Variants in BEST3 observed in about 807,000 individuals in gnomAD.
BEST3 encodes the protein bestrophin-3.
A neutral mutation model predicts 47.1 loss-of-function variants in BEST3; 50 were observed. The ratio of observed to expected loss-of-function variants is 1.06; its 90% CI spans 0.85 to 1.34. BEST3 has a LOEUF of 1.34. Ranked by LOEUF, BEST3 falls within the 40% of genes most tolerant of loss-of-function variation. BEST3 has a pLI of 0.00. For synonymous variants in BEST3, 282 were observed against 298.8 expected (o/e 0.94, Z 0.58); for missense variants, 765 against 817.0 (o/e 0.94, Z 0.78).
chr12:69,658,379 A>G (rs1883643930), intron 9 of BEST3, among the ~76,000 whole-genome samples: 1 of 152,146 alleles, frequency 6.6e-6, no homozygotes, highest in African/African-American at 2.4e-5. Flanking sequence ...TAGATGGGGG[A>G]AAATAGACAA....
rs1886185979 is a variant in BEST3 at position 69,697,708 on chromosome 12, G to T, written c.91C>A (p.Leu31Ile). Residue 31 changes from leucine to isoleucine, a missense_variant, in exon 2 of 10, where the codon CTA becomes ATA. Leu to Ile is a conservative substitution (Grantham distance 5, BLOSUM62 2). Transcript: ENST00000330891. The stretch of plus-strand genomic sequence containing the variant: ...AAAACAATAAATTCCCTGTACAGTA[G>T]TTTGTAGATGCTGCCTCTCCACTTG... The part of the protein sequence containing the change: ...LLKWRGSIYK[L>I]LYREFIVFAV... The T allele has an allele frequency of 1.2e-6, 2 of 1,613,072 alleles. No individual in the cohort carries two copies. Among genetic ancestry groups the T allele is most frequent in the African/African-American group, 1.3e-5 (1 of 74,900 alleles).
chr12:69,676,871 G>A (rs1201687967), intron 7 of BEST3, 45 bp downstream of exon 7: 3 of 1,584,804 alleles, frequency 1.9e-6, no homozygotes, highest in Non-Finnish European at 1.7e-6. Flanking sequence ...TGGAGAGTCT[G>A]GAACATAACA....
chr12:69,649,909 A>C (rs1256639468), downstream of BEST3, among the ~76,000 whole-genome samples: 3 of 152,256 alleles, frequency 2.0e-5, no homozygotes, highest in Non-Finnish European at 4.4e-5. Flanking sequence ...AAGATACAAC[A>C]TTCCCTTTGC....
chr12:69,654,233 G>A lies in BEST3; in HGVS notation c.*674C>T. 1.0e-6 allele frequency: 1 copy of A among 984,834 alleles called. No homozygotes were observed. Among genetic ancestry groups the A allele is most frequent in the Non-Finnish European group, 1.2e-6 (1 of 829,654 alleles). The allele number at this position is 984,834 out of a possible 1,614,324, so 61.0% of individuals were successfully genotyped here. A position where few individuals can be genotyped will look rare whatever the true frequency, so the allele number is the denominator to read the frequency against. ...ACCTGAAAAATGGGACAGATTACTA[G>A]AAAAGCAGCACAACCAGGGAGAAGG... On this transcript the variant is annotated 3_prime_UTR_variant, in exon 10 of 10. Coordinates refer to ENST00000330891, the MANE Select transcript of BEST3 (RefSeq NM_032735.3).
At position 69,692,523 on chromosome 12, in the gene BEST3, A is replaced by G. The variant is rs2136042132; in HGVS notation, c.481+1151T>C. ...CTGTCACCTCTCAGTGTCTGCCTAG[A>G]TGAAACTGACATTGCCAGTTCCTAC... is the stretch of plus-strand genomic sequence containing the variant. On this transcript the variant is annotated intron_variant, in intron 4 of 9. Coordinates refer to ENST00000330891, the MANE Select transcript of BEST3 (RefSeq NM_032735.3). 1.3e-5 allele frequency among the ~76,000 whole-genome samples: 2 copies of G among 152,382 alleles called. 1 individual carries two copies. Among genetic ancestry groups the G allele is most frequent in the South Asian group, 4.1e-4 (2 of 4,832 alleles).
chr12:69,676,260 G>A (rs1266743883), intron 7 of BEST3, among the ~76,000 whole-genome samples: 1 of 151,980 alleles, frequency 6.6e-6, no homozygotes, highest in East Asian at 1.9e-4. Context: ...TTTGAAAATG[G>A]GGTACATTTA....
chr12:69,673,601 C>G (rs573424144), intron 7 of BEST3, among the ~76,000 whole-genome samples: 1 of 152,172 alleles, frequency 6.6e-6, no homozygotes, highest in East Asian at 1.9e-4. Context: ...TCACATCCAG[C>G]TAATTTTTTT....
At chr12:69,673,130 C>A (rs1884686957) in intron 7 of BEST3, among the ~76,000 whole-genome samples, 165 bp from the exon 8 acceptor site, 1 of 152,200 alleles carries the variant, frequency 6.6e-6, no homozygotes, top group South Asian at 2.1e-4. Context: ...GCGAGCAAGA[C>A]ATGATTCTCA....
intron 4 of BEST3, among the ~76,000 whole-genome samples, chr12:69,691,786 G>A (rs1276833416): frequency 6.6e-6 from 1 of 152,096 alleles, no homozygotes; most frequent in Non-Finnish European, 1.5e-5. Flanking sequence ...GCAAGACTCT[G>A]TCTCAAAAAA....
intron 9 of BEST3, chr12:69,669,861 G>A (rs710727): frequency 0.39 from 59,585 of 152,096 alleles, 12,136 homozygotes; most frequent in Admixed American, 0.51. Context: ...AAATAAGTAG[G>A]TCAGGATAAA....
Position 69,645,283 on chromosome 12 carries a change from G to A in BEST3, c.1101-1496C>T, listed in dbSNP as rs914584888. Among the ~76,000 whole-genome samples, 8 of 152,140 alleles carry A rather than the reference G, an allele frequency of 5.3e-5. No individual in the cohort carries two copies. In the East Asian group the frequency reaches 1.5e-3, roughly 29 times the overall value. On this transcript the variant is annotated intron_variant, in intron 9 of 9. Coordinates refer to the BEST3 transcript ENST00000331471. ...AAGGGCTAAAGCTCACTGAGTTTTT[G>A]TTAAGGCTCCCAGGAACGCTAAGTT...
At position 69,655,519 on chromosome 12, in the gene BEST3, G is replaced by A; in HGVS notation, c.1395C>T (p.Ser465=). The stretch of plus-strand genomic sequence containing the variant: ...CCCTGATGGTGGACAGCTCTCCCAT[G>A]CTGAAGTGCAGCGTGGGGCTTCCTT... ...FPEGSPTLHF[S]MGELSTIRET... Residue 465 remains serine (S), a synonymous_variant, in exon 10 of 10, where the codon AGC becomes AGT. Coordinates refer to ENST00000330891, the MANE Select transcript of BEST3 (RefSeq NM_032735.3). 6.2e-7 allele frequency: 1 copy of A among 1,614,144 alleles called. No individual in the cohort carries two copies. The highest frequency in any genetic ancestry group is 1.3e-5 in the African/African-American group (1 of 75,046).
At chr12:69,646,213 C>T (rs1293833846) in intron 9 of BEST3, among the ~76,000 whole-genome samples, 1 of 152,188 alleles carries the variant, frequency 6.6e-6, no homozygotes, top group Non-Finnish European at 1.5e-5. Context: ...GTTGGGATTA[C>T]AGGCGTGAGC....
intron 8 of BEST3, among the ~76,000 whole-genome samples, chr12:69,671,832 C>T (rs1884596364): frequency 6.6e-6 from 1 of 152,162 alleles, no homozygotes; most frequent in Non-Finnish European, 1.5e-5. Context: ...TCAAACCACA[C>T]ACTCTAGAGT....
chr12:69,646,187 C>T (rs1210174318), intron 9 of BEST3, among the ~76,000 whole-genome samples: 3 of 152,160 alleles, frequency 2.0e-5, no homozygotes, highest in African/African-American at 7.2e-5. Flanking sequence ...ACCCACCAGT[C>T]TCAGCCTCCC....
intron 4 of BEST3, among the ~76,000 whole-genome samples, chr12:69,681,115 T>C (rs1885230690): frequency 6.6e-6 from 1 of 152,178 alleles, no homozygotes; most frequent in African/African-American, 2.4e-5. Context: ...TGATTTAATA[T>C]AAATAGTGTT....
chr12:69,653,579 C>G, downstream of BEST3: 4 of 931,384 alleles, frequency 4.3e-6, no homozygotes, highest in Non-Finnish European at 5.1e-6. Context: ...TTCGCTGCTG[C>G]CTGGAACAGT....
At position 69,654,868 on chromosome 12, in the gene BEST3, G is replaced by T. The variant is rs1555202286; in HGVS notation, c.*39C>A. ...TAATATGCTGCTTTTGGGGAGGTAA[G>T]AATCTAGGCTAGAACCAGGTCCTAG... On this transcript the variant is annotated 3_prime_UTR_variant, in exon 10 of 10. Coordinates refer to ENST00000330891, the MANE Select transcript of BEST3 (RefSeq NM_032735.3). The T allele has an allele frequency of 1.3e-6, 2 of 1,571,090 alleles. No homozygotes were observed. The highest frequency in any genetic ancestry group is 1.2e-5 in the South Asian group (1 of 83,958).
At chr12:69,673,400 C>T (rs1884702893) in intron 7 of BEST3, among the ~76,000 whole-genome samples, 1 of 152,170 alleles carries the variant, frequency 6.6e-6, no homozygotes. Flanking sequence ...ACTTAAATCA[C>T]ACTTAAAGAA....
Sources: allele counts gnomAD v4.1 joint callset (sites outside exome capture counted in the v4.1 genomes callset), GRCh38; gene constraint gnomAD v4.1.1; transcripts MANE v1.5; gene names NCBI Gene and HGNC (gene_info 2026-07-23, HGNC 2026-07-21).